Variants in BUD23 observed in about 807,000 individuals in gnomAD.
BUD23 encodes BUD23 rRNA methyltransferase and ribosome maturation factor, also known as 18S rRNA (guanine-N(7))-methyltransferase.
A neutral mutation model predicts 47.0 loss-of-function variants in BUD23; 34 were observed. That is an observed-to-expected ratio of 0.72 (90% CI 0.55 to 0.96). The LOEUF is 0.96. Ranked by LOEUF, BUD23 falls within the 40% of genes least tolerant of loss-of-function variation. The probability of loss-of-function intolerance (pLI) is 0.00; values close to 1 mark genes in which losing one functional copy is unlikely to be tolerated. For missense variants in BUD23, 343 were observed against 361.2 expected (o/e 0.95, Z 0.41); for synonymous variants, 124 against 132.0 (o/e 0.94, Z 0.41).
Position 73,686,727 on chromosome 7 carries a change from A to T in BUD23, c.178A>T (p.Ile60Phe), listed in dbSNP as rs1554613051. The change falls in exon 3 of 12, where the codon ATT becomes TTT. Residue 60 changes from isoleucine (I) to phenylalanine (F), a missense_variant. By Grantham distance (21) the Ile-to-Phe change is conservative. Transcript: ENST00000265758. ...PENKPCYLLD[I>F]GCGTGLSGSY... is the part of the protein sequence containing the mutation. ...GAATAAGCCCTGTTACCTGCTGGAT[A>T]TTGGGTGAGATTCTGGGGCCTGGTT... is the stretch of plus-strand genomic sequence containing the variant. The T allele has an allele frequency of 1.9e-6, 3 of 1,614,054 alleles. No individual in the cohort carries two copies. The Admixed American group carries it at 5.0e-5, about 27-fold the overall frequency.
At chr7:73,697,800 T>G (rs1554615155) in intron 11 of BUD23, 32 bp from the exon 12 acceptor site, 1 of 1,612,134 alleles carries the variant, frequency 6.2e-7, no homozygotes, top group South Asian at 1.1e-5. Context: ...GATCTTTTTT[T>G]TCTGAGACTG....
chr7:73,697,329 G>C, intron 10 of BUD23: 1 of 1,013,066 alleles, frequency 9.9e-7, no homozygotes, highest in East Asian at 2.6e-5. Context: ...TTCCCGAAGA[G>C]GGAACAGACT....
chr7:73,684,099 C>A (rs782430972), intron 2 of BUD23: 18 of 938,924 alleles, frequency 1.9e-5, no homozygotes, highest in Admixed American at 3.1e-5. Flanking sequence ...GCGGTGGGTA[C>A]GGGCGAGGGG....
At chr7:73,695,411 A>T (rs1230911293) in intron 10 of BUD23, 1 of 151,512 alleles carries the variant, frequency 6.6e-6, no homozygotes, top group African/African-American at 2.4e-5. Flanking sequence ...GCGCCCGCCC[A>T]ACTAATTTTT....
At chr7:73,684,677 C>A (rs1299276195) in intron 2 of BUD23, among the ~76,000 whole-genome samples, 19 of 149,536 alleles carry the variant, frequency 1.3e-4, no homozygotes, top group African/African-American at 4.7e-4. Flanking sequence ...AATCGCAACA[C>A]TTTGGGAGGC....
chr7:73,687,232 A>G (rs1327656119), intron 5 of BUD23, 137 bp downstream of exon 5: 1 of 878,376 alleles, frequency 1.1e-6, no homozygotes, highest in Admixed American at 2.5e-5. Context: ...TGCCCACCTC[A>G]GTCTCCTGAG....
intron 8 of BUD23, 93 bp from the exon 9 acceptor site, chr7:73,693,531 G>T (rs1798273838): frequency 3.1e-5 from 50 of 1,598,576 alleles, no homozygotes; most frequent in Non-Finnish European, 4.2e-5. Flanking sequence ...CAGGGTCCAG[G>T]CAGGCGGAGG....
chr7:73,685,240 A>G (rs1175305758), intron 2 of BUD23, among the ~76,000 whole-genome samples: 1 of 152,210 alleles, frequency 6.6e-6, no homozygotes, highest in Non-Finnish European at 1.5e-5. Context: ...CGATCGCACC[A>G]CTGCACTCCA....
chr7:73,693,936 G>A (rs1199657559), intron 9 of BUD23, 56 bp from the exon 10 acceptor site: 2 of 1,603,416 alleles, frequency 1.2e-6, no homozygotes, highest in African/African-American at 1.3e-5. Flanking sequence ...TTCTGGAGTG[G>A]GGCAGATGGT....
At position 73,686,673 on chromosome 7, in the gene BUD23, C is replaced by A; in HGVS notation, c.124C>A (p.Arg42=). ...TGATATCCAGACCAGGATGGCTGGG[C>A]GAGCATTGGAGCTTCTTTATCTGCC... ...MIDIQTRMAG[R]ALELLYLPEN... is the part of the protein sequence containing the mutation. Residue 42 remains arginine (R), a synonymous_variant, in exon 3 of 12, where the codon CGA becomes AGA. Transcript: ENST00000265758. 6.2e-7 allele frequency: 1 copy of A among 1,613,694 alleles called. No individual in the cohort carries two copies. The highest frequency in any genetic ancestry group is 8.5e-7 in the Non-Finnish European group (1 of 1,179,820).
Position 73,693,315 on chromosome 7 carries a change from CT to C in BUD23, c.511-11del. On this transcript the variant is annotated splice_polypyrimidine_tract_variant and intron_variant, in intron 7 of 11. Coordinates refer to ENST00000265758, the MANE Select transcript of BUD23 (RefSeq NM_017528.5). ...CAACCTCCGCTGCCTGACCCGCTGC[CT>C]TTCTTTCCTCAGTTGGAGCTGATCA... 3 of 1,613,004 alleles carry C rather than the reference CT, an allele frequency of 1.9e-6. No individual in the cohort carries two copies. The highest frequency in any genetic ancestry group is 4.5e-5 in the East Asian group (2 of 44,850).
At chr7:73,683,950 A>G (rs1554612300) in intron 2 of BUD23, 146 bp downstream of exon 2, 8 of 1,552,230 alleles carry the variant, frequency 5.2e-6, no homozygotes, top group Non-Finnish European at 6.9e-6. Flanking sequence ...GTCTCTGGTA[A>G]ATCAACTTTA....
intron 5 of BUD23, among the ~76,000 whole-genome samples, chr7:73,689,965 C>T (rs1373609167): frequency 2.6e-5 from 4 of 151,366 alleles, no homozygotes; most frequent in Admixed American, 6.6e-5. Flanking sequence ...TACAGCAGGG[C>T]GGAGGGGAAG....
At position 73,690,992 on chromosome 7, in the gene BUD23, G is replaced by A. The variant is rs782588652; in HGVS notation, c.439G>A (p.Ala147Thr). 5.5e-5 allele frequency: 89 copies of A among 1,614,092 alleles called. 1 individual carries two copies. The Middle Eastern group carries it at 5.1e-3, about 93-fold the overall frequency. Residue 147 changes from alanine to threonine, a missense_variant, in exon 6 of 12, where the codon GCT becomes ACT. By Grantham distance (58) the Ala-to-Thr change is moderately conservative (BLOSUM62 0). Transcript: ENST00000265758. ...TGCCAAGCGCCTGTACTGCTTTTTT[G>A]CTTCTCTTTTTTCTGTTCTCGTGAG... is the stretch of plus-strand genomic sequence containing the variant. ...NPAKRLYCFF[A>T]SLFSVLVRGS... is the part of the protein sequence containing the mutation.
At chr7:73,686,796 A>C (rs782188128) in intron 3 of BUD23, 22 bp from the exon 4 acceptor site, 1 of 1,613,914 alleles carries the variant, frequency 6.2e-7, no homozygotes, top group South Asian at 1.1e-5. Context: ...ACTGACCCTG[A>C]GTGTCTGGTC....
At chr7:73,684,881 G>C (rs1797891093) in intron 2 of BUD23, among the ~76,000 whole-genome samples, 1 of 124,030 alleles carries the variant, frequency 8.1e-6, no homozygotes, top group Admixed American at 1.0e-4. Context: ...CCGACATCAC[G>C]GCACTGCACT....
intron 5 of BUD23, among the ~76,000 whole-genome samples, chr7:73,688,916 G>A (rs1258407875): frequency 6.6e-6 from 1 of 152,178 alleles, no homozygotes; most frequent in Non-Finnish European, 1.5e-5. Context: ...AATTTCAAGG[G>A]TAGCAGATGC....
chr7:73,694,891 A>G (rs1462802419), intron 10 of BUD23: 1 of 152,196 alleles, frequency 6.6e-6, no homozygotes, highest in Admixed American at 6.5e-5. Context: ...GGAAGGTCCT[A>G]ATTCCCAAAT....
At position 73,683,641 on chromosome 7, in the gene BUD23, C is replaced by T. The variant is rs577588325; in HGVS notation, c.16C>T (p.Arg6Trp). 25 of 1,611,860 alleles carry T rather than the reference C, an allele frequency of 1.6e-5. No homozygotes were observed. In the East Asian group the frequency reaches 5.1e-4, roughly 33 times the overall value. The change falls in exon 1 of 12, where the codon CGG becomes TGG. Residue 6 changes from arginine to tryptophan, a missense_variant. Transcript: ENST00000265758. MASRGRRPEHGGPPEL... is the reference protein window; with the variant it reads MASRGWRPEHGGPPEL... ...AGGCGTGAGAATGGCGTCCCGCGGCCGGCGTCCGGAGCATGGCGGACCCCC... is the reference window on the plus strand; with the variant it reads ...AGGCGTGAGAATGGCGTCCCGCGGCTGGCGTCCGGAGCATGGCGGACCCCC...
Sources: gnomAD v4.1 joint callset for allele counts (sites outside exome capture counted in the v4.1 genomes callset) on GRCh38, gnomAD v4.1.1 for gene constraint, MANE v1.5 for transcripts, NCBI Gene and HGNC (gene_info 2026-07-23, HGNC 2026-07-21) for gene names.